The following SHANK2 variants were observed in gnomAD, a reference collection of about 807,000 sequenced individuals.
SHANK2 encodes SH3 and multiple ankyrin repeat domains protein 2.
A neutral mutation model predicts 133.7 loss-of-function variants in SHANK2; 43 were observed. The ratio of observed to expected loss-of-function variants is 0.32; its 90% CI spans 0.25 to 0.41. The LOEUF is 0.41. Ranked by LOEUF, SHANK2 falls within the 10% of genes least tolerant of loss-of-function variation. SHANK2 has a pLI of 1.00. For missense variants in SHANK2, 1,994 were observed against 2,235.8 expected, an observed-to-expected ratio of 0.89 and a Z score of 2.18; for synonymous variants, 1,017 against 952.8, an observed-to-expected ratio of 1.07 and a Z score of -1.24.
intron 17 of SHANK2, among the ~76,000 whole-genome samples, chr11:70,532,312 G>C (rs1554973378): frequency 6.6e-6 from 1 of 152,106 alleles, no homozygotes; most frequent in African/African-American, 2.4e-5. Flanking sequence ...CTCCACAAGG[G>C]GGTCTGCTGG....
At chr11:70,857,092 C>A (rs1949183159) in intron 11 of SHANK2, among the ~76,000 whole-genome samples, 1 of 152,220 alleles carries the variant, frequency 6.6e-6, no homozygotes, top group Admixed American at 6.5e-5. Context: ...AAACATTTCC[C>A]TGACGATGGC....
At position 71,098,975 on chromosome 11, in the gene SHANK2, G is replaced by A. The variant is rs551055819; in HGVS notation, c.593-4287C>T. ...AGCCAGGAGATGGGGGGGCAGCATC[G>A]CCCAAGATGAGCCACACCAACAGGA... On this transcript the variant is annotated intron_variant, in intron 6 of 25. Transcript: ENST00000601538. Among the ~76,000 whole-genome samples the A allele has an allele frequency of 3.9e-4, 60 of 152,208 alleles. 1 individual carries two copies. Among genetic ancestry groups the A allele is most frequent in the Middle Eastern group, 3.4e-3 (1 of 294 alleles).
At chr11:70,903,331 T>G (rs1364382887) in intron 10 of SHANK2, among the ~76,000 whole-genome samples, 40 of 151,018 alleles carry the variant, frequency 2.6e-4, no homozygotes, top group African/African-American at 9.5e-4. Flanking sequence ...GAGCTGAGAT[T>G]GCACCACTGC....
intron 14 of SHANK2, among the ~76,000 whole-genome samples, chr11:70,730,934 C>T (rs1401657067): frequency 6.6e-6 from 1 of 151,162 alleles, no homozygotes; most frequent in Non-Finnish European, 1.5e-5. Context: ...GCTGTGCAAC[C>T]AGCACTTTTA....
chr11:70,710,350 G>A (rs1377529759), intron 14 of SHANK2, among the ~76,000 whole-genome samples: 2 of 152,206 alleles, frequency 1.3e-5, no homozygotes, highest in African/African-American at 4.8e-5. Context: ...GAGGACTGTA[G>A]GAGACTGTGT....
chr11:70,757,821 T>C (rs1555039284), intron 14 of SHANK2, among the ~76,000 whole-genome samples: 1 of 152,052 alleles, frequency 6.6e-6, no homozygotes, highest in Non-Finnish European at 1.5e-5. Flanking sequence ...CGACACACCA[T>C]CCCATAGGCC....
chr11:71,125,624 A>G (rs1329489295), intron 3 of SHANK2, among the ~76,000 whole-genome samples: 3 of 152,218 alleles, frequency 2.0e-5, no homozygotes, highest in Non-Finnish European at 2.9e-5. Context: ...CCATAACAGG[A>G]AAGTGTGAGG....
intron 12 of SHANK2, among the ~76,000 whole-genome samples, chr11:70,815,175 AACACACACAC>A (rs61610592): frequency 0.057 from 6,855 of 119,538 alleles, 266 homozygotes; most frequent in Middle Eastern, 0.08. Context: ...TGGGAGAAGA[AACACACACAC>A]ACACACACAC....
chr11:70,750,211 A>G (rs1025798964), intron 14 of SHANK2, among the ~76,000 whole-genome samples: 1 of 152,232 alleles, frequency 6.6e-6, no homozygotes, highest in African/African-American at 2.4e-5. Flanking sequence ...CTGGGACTCA[A>G]AGGTAGCCTG....
intron 2 of SHANK2, among the ~76,000 whole-genome samples, 189 bp from the exon 3 acceptor site, chr11:71,147,527 G>A (rs1952680550): frequency 6.6e-6 from 1 of 152,200 alleles, no homozygotes; most frequent in Non-Finnish European, 1.5e-5. Context: ...GACACAAGTC[G>A]GCACCGCCTG....
At chr11:70,499,348 TC>T (rs2059017385) in intron 21 of SHANK2, among the ~76,000 whole-genome samples, 1 of 152,218 alleles carries the variant, frequency 6.6e-6, no homozygotes, top group South Asian at 2.1e-4. Flanking sequence ...GTAGCCAGTT[TC>T]TCTTGCTCAG....
At chr11:70,691,931 A>T (rs1555021144) in intron 15 of SHANK2, among the ~76,000 whole-genome samples, 1 of 152,168 alleles carries the variant, frequency 6.6e-6, no homozygotes, top group African/African-American at 2.4e-5. Context: ...ATAAAAATAC[A>T]GAAAATGTAT....
At chr11:70,928,943 G>A (rs1555082066) in intron 10 of SHANK2, among the ~76,000 whole-genome samples, 1 of 152,058 alleles carries the variant, frequency 6.6e-6, no homozygotes, top group African/African-American at 2.4e-5. Flanking sequence ...GGCAGAGTCA[G>A]GAAGCAGACA....
chr11:71,148,825 T>C (rs191489765), intron 2 of SHANK2, among the ~76,000 whole-genome samples: 5 of 152,334 alleles, frequency 3.3e-5, no homozygotes, highest in African/African-American at 7.2e-5. Context: ...AACCACATAC[T>C]ATCATTTCCA....
intron 17 of SHANK2, among the ~76,000 whole-genome samples, chr11:70,578,052 C>T (rs1229998162): frequency 4.6e-5 from 7 of 152,190 alleles, no homozygotes; most frequent in Non-Finnish European, 8.8e-5. Context: ...AGCCCACCAA[C>T]GTCCCGTGTA....
chr11:71,109,710 A>T (rs1450534060), intron 6 of SHANK2, among the ~76,000 whole-genome samples: 1 of 152,234 alleles, frequency 6.6e-6, no homozygotes, highest in East Asian at 1.9e-4. Context: ...TCTGCACTGA[A>T]CACCTGCCGT....
chr11:71,144,288 C>A (rs1555106313), intron 3 of SHANK2, among the ~76,000 whole-genome samples: 2 of 152,200 alleles, frequency 1.3e-5, no homozygotes, highest in Non-Finnish European at 2.9e-5. Context: ...TTCCTGGGCT[C>A]AGACCTCCAC....
chr11:71,065,683 G>GCA (rs1951044306), intron 9 of SHANK2, among the ~76,000 whole-genome samples: 1 of 92,926 alleles, frequency 1.1e-5, no homozygotes, highest in East Asian at 3.9e-4. Context: ...GGGGGTGTGC[G>GCA]GAACTCTTCC....
At chr11:70,721,231 C>T (rs999085395) in intron 14 of SHANK2, among the ~76,000 whole-genome samples, 1 of 152,244 alleles carries the variant, frequency 6.6e-6, no homozygotes, top group Non-Finnish European at 1.5e-5. Context: ...ATTTCAGGCG[C>T]ATCACACCTA....
Sources: allele counts gnomAD v4.1 joint callset (sites outside exome capture counted in the v4.1 genomes callset), GRCh38; gene constraint gnomAD v4.1.1; transcripts MANE v1.5; gene names NCBI Gene and HGNC (gene_info 2026-07-23, HGNC 2026-07-21).